Variants in LRP1B observed in about 807,000 individuals in gnomAD.
LRP1B encodes the protein low-density lipoprotein receptor-related protein 1B.
A neutral mutation model predicts 556.6 loss-of-function variants in LRP1B; 217 were observed. That is an observed-to-expected ratio of 0.39 (90% confidence interval 0.35 to 0.44). The LOEUF (loss-of-function observed/expected upper bound fraction) is 0.44, where lower values mean the gene tolerates loss of function less well. LRP1B is among the 20% of genes least tolerant of loss of function. The pLI, the probability that LRP1B is intolerant of heterozygous loss-of-function variation, is 1.00. For missense variants in LRP1B, 5,053 were observed against 5,620.8 expected, an observed-to-expected ratio of 0.90 and a Z score of 3.23; for synonymous variants, 2,047 against 1,865.8, an observed-to-expected ratio of 1.10 and a Z score of -2.50.
chr2:140,967,226 C>T (rs546595549), intron 18 of LRP1B, among the ~76,000 whole-genome samples: 24 of 152,062 alleles, frequency 1.6e-4, no homozygotes, highest in Admixed American at 3.9e-4. Context: ...CACTGAACAG[C>T]GGTTTGTAGT....
intron 6 of LRP1B, among the ~76,000 whole-genome samples, chr2:141,190,846 G>C (rs1283333993): frequency 6.6e-6 from 1 of 151,936 alleles, no homozygotes; most frequent in Non-Finnish European, 1.5e-5. Context: ...CATATTGAAG[G>C]AATTTGAGAA....
At chr2:140,401,143 G>C (rs1466688062) in intron 66 of LRP1B, among the ~76,000 whole-genome samples, 1 of 152,132 alleles carries the variant, frequency 6.6e-6, no homozygotes, top group African/African-American at 2.4e-5. Context: ...GAACTTGGTG[G>C]GGCTAGTGGG....
chr2:141,217,266 C>G (rs1470202559), intron 6 of LRP1B, among the ~76,000 whole-genome samples: 2 of 152,260 alleles, frequency 1.3e-5, no homozygotes, highest in East Asian at 3.9e-4. Context: ...CAACTCCCTC[C>G]ACTTTCTTGC....
intron 1 of LRP1B, among the ~76,000 whole-genome samples, chr2:141,955,870 T>A (rs1701234283): frequency 6.6e-6 from 1 of 152,064 alleles, no homozygotes; most frequent in African/African-American, 2.4e-5. Context: ...TGTTGATTTC[T>A]CTTAAGCCTG....
At chr2:141,969,492 A>G (rs528662953) in intron 1 of LRP1B, among the ~76,000 whole-genome samples, 1 of 151,778 alleles carries the variant, frequency 6.6e-6, no homozygotes, top group South Asian at 2.1e-4. Flanking sequence ...TAGATTCCAC[A>G]TAAGTGAAAA....
intron 20 of LRP1B, among the ~76,000 whole-genome samples, chr2:140,934,564 C>T (rs1379275389): frequency 6.6e-6 from 1 of 152,126 alleles, no homozygotes; most frequent in Admixed American, 6.6e-5. Context: ...AGCACAGTCA[C>T]ACCTATGAAT....
At chr2:141,949,757 G>A (rs1701057067) in intron 1 of LRP1B, among the ~76,000 whole-genome samples, 1 of 152,110 alleles carries the variant, frequency 6.6e-6, no homozygotes, top group Non-Finnish European at 1.5e-5. Flanking sequence ...TCAGGTTTTA[G>A]GTTGGAAGAG....
intron 1 of LRP1B, among the ~76,000 whole-genome samples, chr2:141,871,225 G>A (rs1013862027): frequency 6.6e-6 from 1 of 151,930 alleles, no homozygotes; most frequent in African/African-American, 2.4e-5. Context: ...GTTCACTCCT[G>A]TTCCATGTGT....
At chr2:142,021,328 G>T (rs1204132426) in intron 1 of LRP1B, among the ~76,000 whole-genome samples, 1 of 152,068 alleles carries the variant, frequency 6.6e-6, no homozygotes, top group Non-Finnish European at 1.5e-5. Context: ...GCGTGTGTGT[G>T]TGTGTGTCAG....
intron 41 of LRP1B, among the ~76,000 whole-genome samples, chr2:140,655,032 G>GTATATATATATATATATATATA (rs145869246): frequency 2.0e-4 from 29 of 147,156 alleles, no homozygotes; most frequent in Non-Finnish European, 3.0e-4. Flanking sequence ...GTATATGTAT[G>GTATATATATATATATATATATA]TATATATATA....
intron 11 of LRP1B, among the ~76,000 whole-genome samples, chr2:141,042,194 T>C (rs1248249484): frequency 6.6e-6 from 1 of 152,154 alleles, no homozygotes; most frequent in Non-Finnish European, 1.5e-5. Context: ...AGATAGAGAT[T>C]ACATCTCTCT....
Position 141,919,090 on chromosome 2 carries a change from C to G in LRP1B, c.83-108689G>C, listed in dbSNP as rs147436456. 1.1e-4 allele frequency among the ~76,000 whole-genome samples: 16 copies of G among 151,984 alleles called. No homozygotes were observed. In the East Asian group the frequency reaches 3.1e-3, roughly 29 times the overall value. On this transcript the variant is annotated intron_variant, in intron 1 of 90. Transcript: ENST00000389484. The stretch of plus-strand genomic sequence containing the variant: ...AAGATAAGTCAAAAGGAAATAAATG[C>G]CCTCTGTGAATATTTGTTTGTATAA...
At chr2:141,319,022 C>T (rs930002861) in intron 3 of LRP1B, among the ~76,000 whole-genome samples, 2 of 151,838 alleles carry the variant, frequency 1.3e-5, no homozygotes, top group African/African-American at 4.8e-5. Context: ...TCCTTGTTAC[C>T]ACAACAAGTC....
chr2:141,279,642 T>C (rs1183290406), intron 3 of LRP1B, among the ~76,000 whole-genome samples: 1 of 152,074 alleles, frequency 6.6e-6, no homozygotes, highest in Non-Finnish European at 1.5e-5. Context: ...AAACTACATG[T>C]CTGTCATATT....
chr2:140,265,722 C>G (rs746233154), intron 86 of LRP1B, among the ~76,000 whole-genome samples: 32 of 151,966 alleles, frequency 2.1e-4, no homozygotes, highest in Non-Finnish European at 3.2e-4. Flanking sequence ...ATAGTACATA[C>G]TTACTTTTCA....
chr2:141,682,375 C>G (rs953113104), intron 2 of LRP1B, among the ~76,000 whole-genome samples: 1 of 150,984 alleles, frequency 6.6e-6, no homozygotes, highest in African/African-American at 2.4e-5. Flanking sequence ...TAGGAGAGCA[C>G]TAAGCAATTG....
chr2:141,979,531 G>A (rs573954022), intron 1 of LRP1B, among the ~76,000 whole-genome samples: 20 of 151,990 alleles, frequency 1.3e-4, no homozygotes, highest in African/African-American at 3.9e-4. Context: ...ATTTTTTCAG[G>A]TTCTTCTCCC....
At chr2:140,250,381 A>G (rs917691236) in intron 86 of LRP1B, among the ~76,000 whole-genome samples, 1 of 151,850 alleles carries the variant, frequency 6.6e-6, no homozygotes, top group Admixed American at 6.6e-5. Context: ...GTAGGTAGGT[A>G]GATAAACAGA....
chr2:141,297,604 G>C (rs192108058), intron 3 of LRP1B, among the ~76,000 whole-genome samples: 38 of 152,098 alleles, frequency 2.5e-4, no homozygotes, highest in African/African-American at 8.7e-4. Flanking sequence ...TTCTTCATAA[G>C]GCCTTCCTTA....
Sources: gnomAD v4.1 joint callset for allele counts (sites outside exome capture counted in the v4.1 genomes callset) on GRCh38, gnomAD v4.1.1 for gene constraint, MANE v1.5 for transcripts, NCBI Gene and HGNC (gene_info 2026-07-23, HGNC 2026-07-21) for gene names.